Variants in FLT1 observed in about 807,000 individuals in gnomAD.
FLT1 encodes the protein fms related receptor tyrosine kinase 1.
FLT1 carries 49 observed loss-of-function variants against 156.3 expected under a neutral mutation model. The observed-to-expected ratio is 0.31, with a 90% CI of 0.25 to 0.40. FLT1 has a LOEUF of 0.40. Among genes scored for constraint, FLT1 ranks in the 10% least tolerant of loss-of-function variants. The pLI, the probability that FLT1 is intolerant of heterozygous loss-of-function variation, is 1.00. For synonymous variants in FLT1, 594 were observed against 583.8 expected, an observed-to-expected ratio of 1.02 and a Z score of -0.25; for missense variants, 1,322 against 1,637.2, an observed-to-expected ratio of 0.81 and a Z score of 3.32.
At chr13:28,316,828 G>A (rs1014488255) in intron 25 of FLT1, among the ~76,000 whole-genome samples, 13 of 151,808 alleles carry the variant, frequency 8.6e-5, no homozygotes, top group African/African-American at 2.7e-4. Context: ...TCACCATGTC[G>A]GCCAGGCTAG....
chr13:28,446,226 T>G (rs747525424), intron 3 of FLT1, among the ~76,000 whole-genome samples: 1 of 152,134 alleles, frequency 6.6e-6, no homozygotes, highest in Admixed American at 6.6e-5. Flanking sequence ...GCACTGGAAG[T>G]TTCCCCCTAA....
chr13:28,426,116 C>T, intron 10 of FLT1, among the ~76,000 whole-genome samples: 1 of 147,938 alleles, frequency 6.8e-6, no homozygotes, highest in South Asian at 2.1e-4. Context: ...GCTTTGTTTA[C>T]TTTTCCTGTC....
chr13:28,358,756 CA>C (rs1873001455), intron 14 of FLT1, among the ~76,000 whole-genome samples: 1 of 152,200 alleles, frequency 6.6e-6, no homozygotes, highest in South Asian at 2.1e-4. Flanking sequence ...TACACTCACA[CA>C]CACAAGCCAA....
chr13:28,471,180 C>G (rs1212872037), intron 1 of FLT1, among the ~76,000 whole-genome samples: 1 of 151,984 alleles, frequency 6.6e-6, no homozygotes, highest in Non-Finnish European at 1.5e-5. Context: ...GTATTTTGCA[C>G]CTGGAATGAG....
intron 3 of FLT1, among the ~76,000 whole-genome samples, chr13:28,446,450 T>A (rs185482175): frequency 6.6e-6 from 1 of 152,176 alleles, no homozygotes; most frequent in Non-Finnish European, 1.5e-5. Context: ...AATAAATGAG[T>A]TCAGCAAGAT....
At chr13:28,324,892 T>C (rs754531438) in intron 20 of FLT1, among the ~76,000 whole-genome samples, 1 of 152,240 alleles carries the variant, frequency 6.6e-6, no homozygotes, top group Non-Finnish European at 1.5e-5. Flanking sequence ...GCTTTGCTTA[T>C]CAGTACCACT....
At chr13:28,346,974 C>T (rs1872588553) in intron 15 of FLT1, among the ~76,000 whole-genome samples, 1 of 151,910 alleles carries the variant, frequency 6.6e-6, no homozygotes, top group Non-Finnish European at 1.5e-5. Context: ...AGGTTAGGGG[C>T]CGGAGGAGAT....
intron 12 of FLT1, 57 bp downstream of exon 12, chr13:28,396,903 G>T: frequency 2.0e-6 from 2 of 1,017,244 alleles, no homozygotes; most frequent in South Asian, 1.3e-5. Context: ...AAGCAAACAA[G>T]ACTGAAGAGA....
At position 28,321,481 on chromosome 13, in the gene FLT1, A is replaced by T. The variant is rs1777331195; in HGVS notation, c.3156T>A (p.Asp1052Glu). The T allele has an allele frequency of 6.2e-7, 1 of 1,614,030 alleles. No homozygotes were observed. Among genetic ancestry groups the T allele is most frequent in the Non-Finnish European group, 8.5e-7 (1 of 1,180,020 alleles). The change falls in exon 23 of 30, where the codon GAT becomes GAA. Residue 1052 changes from aspartate to glutamate, a missense_variant. Around this residue, in one of 3 missense-constraint regions of FLT1, gnomAD observed 329 missense variants for 366.2 expected, o/e 0.90. Coordinates refer to ENST00000282397, the MANE Select transcript of FLT1 (RefSeq NM_002019.4). ...GACTTACATCTCCTTTTCTCACATAATCGGGGTTCTTATAAATATCCCGGG... is the reference window on the plus strand; with the variant it reads ...GACTTACATCTCCTTTTCTCACATATTCGGGGTTCTTATAAATATCCCGGG... Reference protein sequence around the residue: ...GLARDIYKNPDYVRKGDTRLP... With the variant: ...GLARDIYKNPEYVRKGDTRLP...
intron 10 of FLT1, among the ~76,000 whole-genome samples, chr13:28,413,629 C>A (rs1051433541): frequency 6.6e-6 from 1 of 152,026 alleles, no homozygotes; most frequent in Non-Finnish European, 1.5e-5. Flanking sequence ...ATTAGGAGTG[C>A]CTACAAAAAA....
At chr13:28,474,057 A>G (rs1351626202) in intron 1 of FLT1, among the ~76,000 whole-genome samples, 5 of 152,194 alleles carry the variant, frequency 3.3e-5, no homozygotes, top group Non-Finnish European at 5.9e-5. Flanking sequence ...CCACAGAGAG[A>G]TGCCTCAGGA....
At chr13:28,460,662 C>A (rs1348904708) in intron 3 of FLT1, among the ~76,000 whole-genome samples, 4 of 132,652 alleles carry the variant, frequency 3.0e-5, no homozygotes, top group African/African-American at 1.1e-4. Context: ...CCTCCCCCCA[C>A]CCCACCCCCC....
chr13:28,352,776 C>A (rs575911010), intron 15 of FLT1, among the ~76,000 whole-genome samples: 17 of 152,164 alleles, frequency 1.1e-4, no homozygotes, highest in Admixed American at 7.9e-4. Context: ...CATATTCATG[C>A]GAATTAGTTT....
intron 15 of FLT1, among the ~76,000 whole-genome samples, chr13:28,355,987 G>A (rs557137093): frequency 1.2e-4 from 18 of 152,256 alleles, no homozygotes; most frequent in South Asian, 2.1e-4. Flanking sequence ...ACGCAAAAAC[G>A]TCACTGCTTC....
At chr13:28,446,818 C>T (rs1189664974) in intron 3 of FLT1, among the ~76,000 whole-genome samples, 1 of 152,142 alleles carries the variant, frequency 6.6e-6, no homozygotes, top group Admixed American at 6.5e-5. Context: ...TATGAAATTG[C>T]AAGAGACCCA....
intron 3 of FLT1, among the ~76,000 whole-genome samples, chr13:28,453,787 C>T (rs1416531559): frequency 6.6e-6 from 1 of 152,154 alleles, no homozygotes; most frequent in Non-Finnish European, 1.5e-5. Context: ...TCCCATGTTT[C>T]TTTCATTTAA....
At chr13:28,429,950 G>T in intron 8 of FLT1, 100 bp downstream of exon 8, 1 of 853,690 alleles carries the variant, frequency 1.2e-6, no homozygotes, top group Non-Finnish European at 2.1e-6. Flanking sequence ...TCTGAGGAAC[G>T]TCTCTTGGTA....
chr13:28,303,050 C>A lies in FLT1; in HGVS notation c.*117G>T. 1.1e-6 allele frequency: 1 copy of A among 875,574 alleles called. No individual in the cohort carries two copies. Among genetic ancestry groups the A allele is most frequent in the Non-Finnish European group, 1.7e-6 (1 of 572,854 alleles). The allele number at this position is 875,574 out of a possible 1,614,324, so 54.2% of individuals were successfully genotyped here. A position where few individuals can be genotyped will look rare whatever the true frequency, so the allele number is the denominator to read the frequency against. On this transcript the variant is annotated 3_prime_UTR_variant, in exon 30 of 30. Transcript: ENST00000282397. ...CTATTAAAAAAATCACAAAAAGCAGCTGGCTCCCATGGAAAGATAAAGGTG... is the reference window on the plus strand; with the variant it reads ...CTATTAAAAAAATCACAAAAAGCAGATGGCTCCCATGGAAAGATAAAGGTG...
At chr13:28,456,211 A>G (rs1410856763) in intron 3 of FLT1, among the ~76,000 whole-genome samples, 1 of 152,218 alleles carries the variant, frequency 6.6e-6, no homozygotes, top group Non-Finnish European at 1.5e-5. Flanking sequence ...AAAACTTGGA[A>G]GCAGCCAAGA....
Sources: gnomAD v4.1 joint callset for allele counts (sites outside exome capture counted in the v4.1 genomes callset) on GRCh38, gnomAD v4.1.1 for gene constraint, gnomAD v4.1.1 regional missense constraint, MANE v1.5 for transcripts, NCBI Gene and HGNC (gene_info 2026-07-23, HGNC 2026-07-21) for gene names.